The following NFKB2 variants were observed in gnomAD, a reference collection of about 807,000 sequenced individuals.
NFKB2 encodes the protein nuclear factor kappa B subunit 2, also known as nuclear factor NF-kappa-B p100 subunit.
NFKB2 carries 21 observed loss-of-function variants against 109.3 expected under a neutral mutation model. The ratio of observed to expected loss-of-function variants is 0.19; its 90% CI spans 0.14 to 0.28. The LOEUF is 0.28. NFKB2 is among the 10% of genes least tolerant of loss of function. The pLI is 1.00. For missense variants in NFKB2, 806 were observed against 1,185.3 expected (o/e 0.68, Z 4.70); for synonymous variants, 478 against 489.9 (o/e 0.98, Z 0.32).
In NFKB2 at chr10:102,399,557, A is replaced by G; in HGVS notation, c.1328-20A>G. 6.5e-7 allele frequency: 1 copy of G among 1,546,772 alleles called. No homozygotes were observed. The highest frequency in any genetic ancestry group is 8.7e-7 in the Non-Finnish European group (1 of 1,145,826). ...GGGGCTGAGGACCTAGCCCTGACCCACGCCCTCTGTGGCCCGTAGCTCGAG... is the reference window on the plus strand; with the variant it reads ...GGGGCTGAGGACCTAGCCCTGACCCGCGCCCTCTGTGGCCCGTAGCTCGAG... On this transcript the variant is annotated intron_variant, in intron 13 of 22. Coordinates refer to ENST00000661543, the MANE Select transcript of NFKB2 (RefSeq NM_001322934.2).
In NFKB2 at chr10:102,400,851, G is replaced by A; in HGVS notation, c.1968+27G>A. ...TGGGACTGAGGATTGTGGAAGGAGT[G>A]GGGCCAAGGGTGGTGGAGGGGCCAA... On this transcript the variant is annotated intron_variant, in intron 17 of 22. Transcript: ENST00000661543. The surrounding 1 kb of genome is among the most constrained non-coding windows in gnomAD (Gnocchi z 6.3). 6.3e-7 allele frequency: 1 copy of A among 1,577,170 alleles called. No individual in the cohort carries two copies. Among genetic ancestry groups the A allele is most frequent in the Non-Finnish European group, 8.6e-7 (1 of 1,159,382 alleles).
In NFKB2 at chr10:102,397,024, G is replaced by A. The variant is rs1335608284; in HGVS notation, c.364G>A (p.Val122Ile). ...ATGCTCGGAGCTGGGGATCTGCGCC[G>A]TTTCTGTGGGGCCCAAGGACATGAC... Reference protein sequence around the residue: ...KQCSELGICAVSVGPKDMTAQ... With the variant: ...KQCSELGICAISVGPKDMTAQ... The change falls in exon 6 of 23, where the codon GTT becomes ATT. Residue 122 changes from valine (V) to isoleucine (I), a missense_variant. By Grantham distance (29) the Val-to-Ile change is conservative. Around this residue, in one of 10 missense-constraint regions of NFKB2, gnomAD observed 62 missense variants for 102.2 expected, o/e 0.61. Transcript: ENST00000661543. The surrounding 1 kb of genome is among the most constrained non-coding windows in gnomAD (Gnocchi z 4.7). 11 of 1,613,224 alleles carry A rather than the reference G, an allele frequency of 6.8e-6. No individual in the cohort carries two copies. Among genetic ancestry groups the A allele is most frequent in the East Asian group, 2.2e-5 (1 of 44,864 alleles).
At position 102,398,362 on chromosome 10, in the gene NFKB2, CTG is replaced by C; in HGVS notation, c.853-19_853-18del. Reference sequence around the variant, plus strand: ...ATTAGGCTAAGGACTCACTGACACCCTGTGTCTCCCTGCACCCCCCAGTATGC... The same window carrying C: ...ATTAGGCTAAGGACTCACTGACACCCTGTCTCCCTGCACCCCCCAGTATGC... On this transcript the variant is annotated intron_variant, in intron 10 of 22. Coordinates refer to ENST00000661543, the MANE Select transcript of NFKB2 (RefSeq NM_001322934.2). The surrounding 1 kb of genome is among the most constrained non-coding windows in gnomAD (Gnocchi z 6.6). The C allele has an allele frequency of 6.2e-7, 1 of 1,613,996 alleles. No individual in the cohort carries two copies. The highest frequency in any genetic ancestry group is 1.1e-5 in the South Asian group (1 of 91,070).
Position 102,396,561 on chromosome 10 carries a change from G to A in NFKB2, c.144+72G>A. On this transcript the variant is annotated intron_variant, in intron 4 of 22. Transcript: ENST00000661543. The surrounding 1 kb of genome is among the most constrained non-coding windows in gnomAD (Gnocchi z 5.9). ...CAAATGGGGTAGTGGTAGCTGGCTG[G>A]CCATGGAGGAGCCATTGCCGAAGGA... The A allele has an allele frequency of 6.2e-7, 1 of 1,607,816 alleles. No homozygotes were observed. Among genetic ancestry groups the A allele is most frequent in the Non-Finnish European group, 8.5e-7 (1 of 1,176,116 alleles).
chr10:102,400,261 CCTG>C lies in NFKB2; in HGVS notation c.1585-14_1585-12del. ...CAAGTGGGTCTCGGGCCTGGCTCAC[CCTG>C]CTTTCATCCCCAGACGCCCCTGCAC... On this transcript the variant is annotated splice_polypyrimidine_tract_variant and intron_variant, in intron 15 of 22. Coordinates refer to ENST00000661543, the MANE Select transcript of NFKB2 (RefSeq NM_001322934.2). The surrounding 1 kb of genome is among the most constrained non-coding windows in gnomAD (Gnocchi z 6.3). The C allele has an allele frequency of 6.2e-7, 1 of 1,614,006 alleles. No homozygotes were observed. The highest frequency in any genetic ancestry group is 8.5e-7 in the Non-Finnish European group (1 of 1,180,002).
chr10:102,395,826 AT>A, intron 1 of NFKB2, 30 bp downstream of exon 1: 1 of 20,388 alleles, frequency 4.9e-5, no homozygotes, highest in Non-Finnish European at 9.5e-5. Context: ...CTGGGCCCCC[AT>A]CTCCCGCCCA....
chr10:102,399,722 G>C lies in NFKB2; in HGVS notation c.1469+4G>C. On this transcript the variant is annotated splice_donor_region_variant and intron_variant, in intron 14 of 22. Coordinates refer to ENST00000661543, the MANE Select transcript of NFKB2 (RefSeq NM_001322934.2). Reference sequence around the variant, plus strand: ...CGCAGGACGAGAACGGAGACACGTAGGCAACAGAGGGCCTGGCGGACGAGG... The same window carrying C: ...CGCAGGACGAGAACGGAGACACGTACGCAACAGAGGGCCTGGCGGACGAGG... The C allele has an allele frequency of 6.8e-7, 1 of 1,464,412 alleles. No homozygotes were observed. The highest frequency in any genetic ancestry group is 9.0e-7 in the Non-Finnish European group (1 of 1,106,748). The allele number at this position is 1,464,412 out of a possible 1,614,324, so 90.7% of individuals were successfully genotyped here.
chr10:102,399,735 C>T lies in NFKB2; in HGVS notation c.1469+17C>T. 6.9e-7 allele frequency: 1 copy of T among 1,451,338 alleles called. No homozygotes were observed. The highest frequency in any genetic ancestry group is 2.5e-5 in the East Asian group (1 of 39,324). 89.9% of individuals were successfully genotyped at this position (1,451,338 alleles called of 1,614,324 possible). On this transcript the variant is annotated intron_variant, in intron 14 of 22. Transcript: ENST00000661543. Reference sequence around the variant, plus strand: ...CGGAGACACGTAGGCAACAGAGGGCCTGGCGGACGAGGCGCGGGGTGGGGG... The same window carrying T: ...CGGAGACACGTAGGCAACAGAGGGCTTGGCGGACGAGGCGCGGGGTGGGGG...
chr10:102,401,368 C>A lies in NFKB2; in HGVS notation c.2223+37C>A, dbSNP rs754954015. 1 of 1,609,804 alleles carries A rather than the reference C, an allele frequency of 6.2e-7. No individual in the cohort carries two copies. Among genetic ancestry groups the A allele is most frequent in the Non-Finnish European group, 8.5e-7 (1 of 1,177,242 alleles). ...CCGGGACTAGAAGTGCTCTGAGTGA[C>A]GGGGTCCAGAGTATCTGGACTTAAA... On this transcript the variant is annotated intron_variant, in intron 19 of 22. Coordinates refer to ENST00000661543, the MANE Select transcript of NFKB2 (RefSeq NM_001322934.2). The surrounding 1 kb of genome is among the most constrained non-coding windows in gnomAD (Gnocchi z 4.2).
chr10:102,399,697 C>A lies in NFKB2; in HGVS notation c.1448C>A (p.Ala483Glu). 6.7e-7 allele frequency: 1 copy of A among 1,501,402 alleles called. No homozygotes were observed. Among genetic ancestry groups the A allele is most frequent in the Non-Finnish European group, 8.9e-7 (1 of 1,123,606 alleles). 93.0% of individuals were successfully genotyped at this position (1,501,402 alleles called of 1,614,324 possible). The change falls in exon 14 of 23, where the codon GCG (alanine) becomes GAG (glutamate). Residue 483 changes from alanine (A) to glutamate (E), a missense_variant. Transcript: ENST00000661543. ...LLAGQRHLLTAQDENGDTPLH... is the reference protein window; with the variant it reads ...LLAGQRHLLTEQDENGDTPLH... ...GCGGGACAGCGCCACCTGCTGACGG[C>A]GCAGGACGAGAACGGAGACACGTAG... is the stretch of plus-strand genomic sequence containing the variant.
At position 102,396,501 on chromosome 10, in the gene NFKB2, A is replaced by G; in HGVS notation, c.144+12A>G. The G allele has an allele frequency of 2.5e-6, 4 of 1,613,886 alleles. 1 individual carries two copies. In the South Asian group the frequency reaches 4.4e-5, roughly 18 times the overall value. On this transcript the variant is annotated intron_variant, in intron 4 of 22. Coordinates refer to ENST00000661543, the MANE Select transcript of NFKB2 (RefSeq NM_001322934.2). This position sits in a 1 kb window ranked among gnomAD's most constrained non-coding sequence, Gnocchi z 5.9. The stretch of plus-strand genomic sequence containing the variant: ...AACAGCCTAAGCAGGTGAGTGAGCA[A>G]AAGGGAGGGTGTGGAATGGCTTCAG...
upstream of NFKB2, chr10:102,395,657 C>A (rs542070888): frequency 5.8e-4 from 295 of 504,924 alleles, no homozygotes; most frequent in African/African-American, 5.2e-3. Context: ...CCCGCCCCCT[C>A]CGGCCCCGCC....
In NFKB2 at chr10:102,398,222, G is replaced by T. The variant is rs779976980; in HGVS notation, c.777G>T (p.Glu259Asp). The T allele has an allele frequency of 6.2e-7, 1 of 1,613,986 alleles. No homozygotes were observed. The highest frequency in any genetic ancestry group is 1.7e-5 in the Admixed American group (1 of 60,002). Residue 259 changes from glutamate to aspartate, a missense_variant, in exon 10 of 23, where the codon GAG (glutamate) becomes GAT (aspartate). Around this residue, in one of 10 missense-constraint regions of NFKB2, gnomAD observed 64 missense variants for 177.4 expected, o/e 0.36. Transcript: ENST00000661543. This position sits in a 1 kb window ranked among gnomAD's most constrained non-coding sequence, Gnocchi z 6.6. Reference sequence around the variant, plus strand: ...CCGTTTTCCTTGTAGATGACATTGAGGTTCGGTTCTATGAGGATGATGAGA... The same window carrying T: ...CCGTTTTCCTTGTAGATGACATTGATGTTCGGTTCTATGAGGATGATGAGA... ...LCDKVQKDDIEVRFYEDDENG... is the reference protein window; with the variant it reads ...LCDKVQKDDIDVRFYEDDENG...
At position 102,402,457 on chromosome 10, in the gene NFKB2, A is replaced by C; in HGVS notation, c.*81A>C. On this transcript the variant is annotated 3_prime_UTR_variant, in exon 23 of 23. Coordinates refer to ENST00000661543, the MANE Select transcript of NFKB2 (RefSeq NM_001322934.2). Reference sequence around the variant, plus strand: ...TTTCAAATCTTATTTAACACCCCACACCCACCCCTCAGTTGGGACAAATAA... The same window carrying C: ...TTTCAAATCTTATTTAACACCCCACCCCCACCCCTCAGTTGGGACAAATAA... The C allele has an allele frequency of 5.2e-6, 4 of 762,858 alleles. No individual in the cohort carries two copies. The highest frequency in any genetic ancestry group is 2.8e-5 in the Admixed American group (1 of 35,504). 47.3% of individuals were successfully genotyped at this position (762,858 alleles called of 1,614,324 possible). A position where few individuals can be genotyped will look rare whatever the true frequency, so the allele number is the denominator to read the frequency against.
intron 12 of NFKB2, 175 bp downstream of exon 12, chr10:102,399,039 C>A: frequency 2.6e-6 from 2 of 762,324 alleles, no homozygotes; most frequent in Non-Finnish European, 4.1e-6. Flanking sequence ...AGCGTGAAAC[C>A]TCGTCTCTAC....
chr10:102,399,867 A>C, intron 14 of NFKB2, 149 bp downstream of exon 14: 3 of 1,285,396 alleles, frequency 2.3e-6, no homozygotes, highest in Non-Finnish European at 3.1e-6. Context: ...TGGTCTCTCC[A>C]AACTTCAGTT....
rs757478595 is a variant in NFKB2, at chr10:102,397,408, G to A, written c.502G>A (p.Glu168Lys). The change falls in exon 7 of 23, where the codon GAG becomes AAG. Residue 168 changes from glutamate to lysine, a missense_variant and splice_region_variant. Transcript: ENST00000661543. This position sits in a 1 kb window ranked among gnomAD's most constrained non-coding sequence, Gnocchi z 4.7. ...CCGCTCTAGGCCCCAGGGCCTTACG[G>A]GTATGGGTGCAGGGGGTGGGTCGGG... Reference protein sequence around the residue: ...RLRSRPQGLTEAEQRELEQEA... With the variant: ...RLRSRPQGLTKAEQRELEQEA... 6.3e-7 allele frequency: 1 copy of A among 1,584,042 alleles called. No homozygotes were observed. Among genetic ancestry groups the A allele is most frequent in the Admixed American group, 1.7e-5 (1 of 58,914 alleles).
rs773662962 is a variant in NFKB2 at position 102,398,302 on chromosome 10, C to A, written c.852+5C>A. The A allele has an allele frequency of 6.2e-7, 1 of 1,614,086 alleles. No individual in the cohort carries two copies. Among genetic ancestry groups the A allele is most frequent in the Non-Finnish European group, 8.5e-7 (1 of 1,180,016 alleles). On this transcript the variant is annotated splice_donor_5th_base_variant and intron_variant, in intron 10 of 22. Transcript: ENST00000661543. This position sits in a 1 kb window ranked among gnomAD's most constrained non-coding sequence, Gnocchi z 6.6. ...CCCACAGATGTGCATAAACAGGTAC[C>A]CAGGGCTAGGGCCCGGGCCCGGGCT...
In NFKB2 at chr10:102,401,898, G is replaced by A. The variant is rs775029821; in HGVS notation, c.2447G>A (p.Ser816Asn). 2 of 1,612,676 alleles carry A rather than the reference G, an allele frequency of 1.2e-6. No individual in the cohort carries two copies. The highest frequency in any genetic ancestry group is 2.2e-5 in the South Asian group (2 of 90,900). Residue 816 changes from serine (S) to asparagine (N), a missense_variant, in exon 21 of 23, where the codon AGC (serine) becomes AAC (asparagine). By Grantham distance (46) the Ser-to-Asn change is conservative (BLOSUM62 1). Around this residue, in one of 10 missense-constraint regions of NFKB2, gnomAD observed 211 missense variants for 268.7 expected, o/e 0.79. Transcript: ENST00000661543. The surrounding 1 kb of genome is among the most constrained non-coding windows in gnomAD (Gnocchi z 4.2). Reference sequence around the variant, plus strand: ...CGACAGACAACCTCACCCAGTGGCAGCCTCCTGCGCAGCTACGAGGTGGGT... The same window carrying A: ...CGACAGACAACCTCACCCAGTGGCAACCTCCTGCGCAGCTACGAGGTGGGT... ...TYRQTTSPSGSLLRSYELAGG... is the reference protein window; with the variant it reads ...TYRQTTSPSGNLLRSYELAGG...
Sources: allele counts gnomAD v4.1 joint callset, GRCh38; gene constraint gnomAD v4.1.1; regional missense constraint gnomAD v4.1.1; non-coding constraint Gnocchi (gnomAD v3.1); transcripts MANE v1.5; gene names NCBI Gene and HGNC (gene_info 2026-07-23, HGNC 2026-07-21).